F13A1: variants seen among roughly 807,000 people sequenced by gnomAD.
F13A1 encodes coagulation factor XIII A chain.
A neutral mutation model predicts 80.1 loss-of-function variants in F13A1; 47 were observed. The ratio of observed to expected loss-of-function variants is 0.59; its 90% CI spans 0.46 to 0.75. The LOEUF (loss-of-function observed/expected upper bound fraction) is 0.75, where lower values mean the gene tolerates loss of function less well. Among genes scored for constraint, F13A1 ranks in the 30% least tolerant of loss-of-function variants. The pLI is 0.00. For synonymous variants in F13A1, 349 were observed against 344.9 expected, an observed-to-expected ratio of 1.01 and a Z score of -0.13; for missense variants, 817 against 930.4, an observed-to-expected ratio of 0.88 and a Z score of 1.59.
At chr6:6,218,108 A>G (rs1447467073) in intron 8 of F13A1, among the ~76,000 whole-genome samples, 1 of 152,202 alleles carries the variant, frequency 6.6e-6, no homozygotes, top group African/African-American at 2.4e-5. Flanking sequence ...CTATCAGACC[A>G]CACTCTCTCC....
chr6:6,194,501 A>G (rs913462168), intron 10 of F13A1, among the ~76,000 whole-genome samples: 1 of 152,104 alleles, frequency 6.6e-6, no homozygotes, highest in Admixed American at 6.5e-5. Context: ...ACCTGGGGAC[A>G]CTTCCACAGG....
At chr6:6,296,557 T>C (rs1309102985) in intron 3 of F13A1, among the ~76,000 whole-genome samples, 1 of 151,154 alleles carries the variant, frequency 6.6e-6, no homozygotes, top group Non-Finnish European at 1.5e-5. Context: ...TGTCTGTTGC[T>C]GGTGTATAAG....
chr6:6,172,687 TC>T (rs1372623915), intron 12 of F13A1, among the ~76,000 whole-genome samples: 2 of 152,126 alleles, frequency 1.3e-5, no homozygotes, highest in Admixed American at 6.5e-5. Flanking sequence ...CCTCAGTTGA[TC>T]CACCCGCCTC....
intron 13 of F13A1, among the ~76,000 whole-genome samples, chr6:6,159,323 T>C (rs1031738870): frequency 3.3e-5 from 5 of 151,806 alleles, no homozygotes; most frequent in Non-Finnish European, 5.9e-5. Flanking sequence ...GTTTCCAGGG[T>C]GTGAGCCGTA....
rs114666084 is a variant in F13A1, at chr6:6,237,379, T to C, written c.798+10933A>G. 6.8e-3 allele frequency among the ~76,000 whole-genome samples: 1,043 copies of C among 152,264 alleles called. 11 individuals carry two copies. The highest frequency in any genetic ancestry group is 0.011 in the Non-Finnish European group (763 of 68,008). On this transcript the variant is annotated intron_variant, in intron 6 of 14. Transcript: ENST00000264870. ...TCTTCCCTTGCCTGGCTCTTCATCC[T>C]TGATTTTCTTCTGGGCTTTTATGGC...
At chr6:6,212,580 A>AAAACAGAG (rs1252370169) in intron 8 of F13A1, among the ~76,000 whole-genome samples, 1 of 152,246 alleles carries the variant, frequency 6.6e-6, no homozygotes, top group Non-Finnish European at 1.5e-5. Flanking sequence ...AGATGGGGAA[A>AAAACAGAG]AAACAGAGCA....
intron 3 of F13A1, among the ~76,000 whole-genome samples, chr6:6,294,270 C>A (rs1463180853): frequency 6.6e-6 from 1 of 152,064 alleles, no homozygotes; most frequent in African/African-American, 2.4e-5. Flanking sequence ...TGGGCACAAG[C>A]TAATCAGCTT....
At chr6:6,320,178 C>T (rs1483155552) in intron 1 of F13A1, among the ~76,000 whole-genome samples, 1 of 151,982 alleles carries the variant, frequency 6.6e-6, no homozygotes, top group Non-Finnish European at 1.5e-5. Context: ...AGTGGGGAGG[C>T]GCGCAGGAGT....
intron 7 of F13A1, among the ~76,000 whole-genome samples, chr6:6,222,778 T>C (rs1241284222): frequency 1.3e-5 from 2 of 152,222 alleles, no homozygotes; most frequent in Non-Finnish European, 2.9e-5. Flanking sequence ...CTGACAATTT[T>C]AAGATTAATG....
At chr6:6,166,090 C>T (rs973026578) in intron 13 of F13A1, among the ~76,000 whole-genome samples, 1 of 152,274 alleles carries the variant, frequency 6.6e-6, no homozygotes, top group Non-Finnish European at 1.5e-5. Flanking sequence ...GGTTCCCAGC[C>T]CTGCTTTTGC....
Position 6,231,210 on chromosome 6 carries a change from A to AATAG in F13A1, c.799-6354_799-6351dup, listed in dbSNP as rs1757347843. Among the ~76,000 whole-genome samples, 3 of 152,348 alleles carry AATAG rather than the reference A, an allele frequency of 2.0e-5. No homozygotes were observed. The South Asian group carries it at 6.2e-4, about 32-fold the overall frequency. On this transcript the variant is annotated intron_variant, in intron 6 of 14. Transcript: ENST00000264870. ...AAGTGAAGGGAGAAATATTCAAGGAAATAGATAGCTTAAAGAAAAAACAAG... is the reference window on the plus strand; with the variant it reads ...AAGTGAAGGGAGAAATATTCAAGGAAATAGATAGATAGCTTAAAGAAAAAACAAG...
intron 13 of F13A1, among the ~76,000 whole-genome samples, chr6:6,159,022 C>G (rs1219995705): frequency 6.6e-6 from 1 of 151,774 alleles, no homozygotes; most frequent in Admixed American, 6.6e-5. Flanking sequence ...CTGCCTCAGC[C>G]TCCCGAGTAG....
At chr6:6,239,211 G>A (rs1209655659) in intron 6 of F13A1, among the ~76,000 whole-genome samples, 1 of 152,156 alleles carries the variant, frequency 6.6e-6, no homozygotes, top group Non-Finnish European at 1.5e-5. Context: ...AGTTGATGGA[G>A]TAAGAGAAGC....
intron 10 of F13A1, among the ~76,000 whole-genome samples, chr6:6,191,486 A>C (rs1490301223): frequency 1.3e-5 from 2 of 152,152 alleles, no homozygotes; most frequent in Admixed American, 6.5e-5. Flanking sequence ...TCTTAAGTAC[A>C]GGCACTTCCT....
At chr6:6,303,848 G>A (rs1039392015) in intron 3 of F13A1, among the ~76,000 whole-genome samples, 1 of 152,062 alleles carries the variant, frequency 6.6e-6, no homozygotes, top group African/African-American at 2.4e-5. Flanking sequence ...ATTTTTTTAT[G>A]TCTATTTCTG....
intron 8 of F13A1, among the ~76,000 whole-genome samples, chr6:6,202,126 A>G (rs1310512226): frequency 6.6e-6 from 1 of 152,160 alleles, no homozygotes; most frequent in Non-Finnish European, 1.5e-5. Context: ...TCTCCTGGCA[A>G]TTTTGAAATA....
At chr6:6,189,910 G>C (rs1278904496) in intron 10 of F13A1, among the ~76,000 whole-genome samples, 1 of 152,136 alleles carries the variant, frequency 6.6e-6, no homozygotes, top group Admixed American at 6.5e-5. Flanking sequence ...TTTCTTGGAG[G>C]CTTTTCTGGT....
chr6:6,208,261 A>T (rs1276577670), intron 8 of F13A1, among the ~76,000 whole-genome samples: 1 of 152,210 alleles, frequency 6.6e-6, no homozygotes, highest in Non-Finnish European at 1.5e-5. Context: ...TGAAAAATTC[A>T]CTAGTTTCAA....
chr6:6,275,351 AT>A (rs570565505), intron 3 of F13A1, among the ~76,000 whole-genome samples: 11 of 69,042 alleles, frequency 1.6e-4, no homozygotes, highest in South Asian at 1.6e-3. Context: ...GCCAGGCACC[AT>A]TTTTTTTATT....
Sources: gnomAD v4.1 joint callset for allele counts (sites outside exome capture counted in the v4.1 genomes callset) on GRCh38, gnomAD v4.1.1 for gene constraint, MANE v1.5 for transcripts, NCBI Gene and HGNC (gene_info 2026-07-23, HGNC 2026-07-21) for gene names.